Variants in NAA11 observed in about 807,000 individuals in gnomAD.
NAA11 encodes N-alpha-acetyltransferase 11, NatA catalytic subunit.
Under a neutral mutation model 16.1 loss-of-function variants are expected in NAA11, and 15 were observed. The observed-to-expected ratio is 0.93, with a 90% confidence interval of 0.62 to 1.44. The LOEUF is 1.44. Ranked by LOEUF, NAA11 falls within the 40% of genes most tolerant of loss-of-function variation. NAA11 has a pLI of 0.00. For synonymous variants in NAA11, 122 were observed against 112.4 expected, an observed-to-expected ratio of 1.09 and a Z score of -0.54; for missense variants, 298 against 291.3, an observed-to-expected ratio of 1.02 and a Z score of -0.17.
the NAA11 span, among the ~76,000 whole-genome samples, chr4:79,213,019 C>T: frequency 6.6e-6 from 1 of 152,082 alleles, no homozygotes; most frequent in South Asian, 2.1e-4. Flanking sequence ...CTTTATAACA[C>T]CAAATACAGT....
intron 2 of NAA11, among the ~76,000 whole-genome samples, chr4:79,237,685 A>G (rs1247182642): frequency 6.6e-6 from 1 of 152,158 alleles, no homozygotes; most frequent in African/African-American, 2.4e-5. Context: ...CAATTTTATA[A>G]TTATTGATTA....
chr4:79,157,640 C>A, the NAA11 span, among the ~76,000 whole-genome samples: 2 of 151,170 alleles, frequency 1.3e-5, no homozygotes, highest in African/African-American at 4.9e-5. Flanking sequence ...TACCAAAGCC[C>A]TCACCAAAAT....
chr4:79,236,523 T>C (rs902322326), intron 2 of NAA11, among the ~76,000 whole-genome samples: 4 of 152,146 alleles, frequency 2.6e-5, no homozygotes, highest in African/African-American at 9.7e-5. Context: ...TAAAACTGAT[T>C]TTTAAATTCA....
chr4:79,292,717 T>C (rs774990907), intron 2 of NAA11, among the ~76,000 whole-genome samples: 2 of 152,222 alleles, frequency 1.3e-5, no homozygotes, highest in Non-Finnish European at 2.9e-5. Flanking sequence ...TGTTACTCAG[T>C]ACAAAGGAAT....
chr4:79,259,231 T>G (rs995908724), intron 2 of NAA11, among the ~76,000 whole-genome samples: 1 of 152,174 alleles, frequency 6.6e-6, no homozygotes, highest in African/African-American at 2.4e-5. Context: ...TGTGGCCCTT[T>G]GGTGAGCTAG....
chr4:79,206,058 C>T, the NAA11 span, among the ~76,000 whole-genome samples: 9 of 151,782 alleles, frequency 5.9e-5, no homozygotes, highest in African/African-American at 1.9e-4. Flanking sequence ...CCTCTTCATT[C>T]GTTCATTTTG....
chr4:79,222,594 C>G (rs1165306878), downstream of NAA11, among the ~76,000 whole-genome samples: 1 of 148,364 alleles, frequency 6.7e-6, no homozygotes, highest in Non-Finnish European at 1.5e-5. Flanking sequence ...GCAAGGACTT[C>G]ATGTCTAAAA....
chr4:79,288,053 G>C (rs754868831), intron 2 of NAA11, among the ~76,000 whole-genome samples: 1 of 152,056 alleles, frequency 6.6e-6, no homozygotes, highest in Non-Finnish European at 1.5e-5. Context: ...CTATGAGAAG[G>C]CCCCTCACTT....
chr4:79,296,533 G>T (rs1261489447), intron 1 of NAA11, among the ~76,000 whole-genome samples: 2 of 152,022 alleles, frequency 1.3e-5, no homozygotes, highest in African/African-American at 2.4e-5. Context: ...TTCACACCTT[G>T]GCCTTCCTTA....
At chr4:79,192,998 A>C in the NAA11 span, among the ~76,000 whole-genome samples, 2,110 of 152,090 alleles carry the variant, frequency 0.014, 42 homozygotes, top group African/African-American at 0.041. Context: ...GCATTTTTTC[A>C]TGTGTCTTTT....
the NAA11 span, among the ~76,000 whole-genome samples, chr4:79,163,855 T>C: frequency 8.5e-5 from 13 of 152,170 alleles, no homozygotes; most frequent in Non-Finnish European, 1.5e-4. Flanking sequence ...TATTATTTGT[T>C]TTATGCCGTG....
At chr4:79,202,641 A>ATATATATATATATATC in the NAA11 span, among the ~76,000 whole-genome samples, 1 of 119,548 alleles carries the variant, frequency 8.4e-6, no homozygotes, top group Non-Finnish European at 1.8e-5. Flanking sequence ...ATATATATAT[A>ATATATATATATATATC]TATATATATC....
At chr4:79,266,409 A>G (rs1347765945) in intron 2 of NAA11, among the ~76,000 whole-genome samples, 1 of 152,180 alleles carries the variant, frequency 6.6e-6, no homozygotes, top group Non-Finnish European at 1.5e-5. Context: ...GGAATAAAAA[A>G]CAAATACTCA....
chr4:79,296,253 C>T (rs1723218120), intron 1 of NAA11, among the ~76,000 whole-genome samples: 1 of 152,166 alleles, frequency 6.6e-6, no homozygotes, highest in Non-Finnish European at 1.5e-5. Context: ...CCTTTTTACA[C>T]ATGAGGAAAT....
the NAA11 span, among the ~76,000 whole-genome samples, chr4:79,186,219 G>C: frequency 1.3e-5 from 2 of 152,126 alleles, no homozygotes; most frequent in Non-Finnish European, 2.9e-5. Flanking sequence ...CTTTTAAAAG[G>C]CTATGAATAT....
intron 1 of NAA11, among the ~76,000 whole-genome samples, chr4:79,303,359 G>A (rs114094454): frequency 0.011 from 1,729 of 151,584 alleles, 39 homozygotes; most frequent in African/African-American, 0.04. Context: ...TTGCTCTGTC[G>A]CTCAGGCTGG....
chr4:79,194,093 A>C, the NAA11 span, among the ~76,000 whole-genome samples: 2 of 152,122 alleles, frequency 1.3e-5, no homozygotes, highest in Non-Finnish European at 2.9e-5. Flanking sequence ...ACTTTGCTGA[A>C]GTTGCCTATC....
At chr4:79,300,327 C>G (rs753428471) in intron 1 of NAA11, among the ~76,000 whole-genome samples, 2 of 152,160 alleles carry the variant, frequency 1.3e-5, no homozygotes, top group African/African-American at 2.4e-5. Flanking sequence ...ATTTTGTTGC[C>G]TATTTCAAGT....
the NAA11 span, among the ~76,000 whole-genome samples, chr4:79,159,545 T>C: frequency 1.3e-5 from 2 of 152,202 alleles, no homozygotes; most frequent in Non-Finnish European, 2.9e-5. Context: ...ATTCACAAAC[T>C]TGTACAATTA....
Sources: gnomAD v4.1 joint callset for allele counts (sites outside exome capture counted in the v4.1 genomes callset) on GRCh38, gnomAD v4.1.1 for gene constraint, MANE v1.5 for transcripts, NCBI Gene and HGNC (gene_info 2026-07-23, HGNC 2026-07-21) for gene names.